Variants in SYNPO2 observed in about 807,000 individuals in gnomAD.
SYNPO2 encodes the protein synaptopodin-2.
Under a neutral mutation model 85.0 loss-of-function variants are expected in SYNPO2, and 56 were observed. The observed-to-expected ratio is 0.66, with a 90% CI of 0.53 to 0.82. SYNPO2 has a LOEUF of 0.82. Ranked by LOEUF, SYNPO2 falls within the 40% of genes least tolerant of loss-of-function variation. The pLI, the probability that SYNPO2 is intolerant of heterozygous loss-of-function variation, is 0.00. For missense variants in SYNPO2, 1,575 were observed against 1,534.2 expected, an observed-to-expected ratio of 1.03 and a Z score of -0.44; for synonymous variants, 602 against 591.1, an observed-to-expected ratio of 1.02 and a Z score of -0.27.
At chr4:118,929,736 A>G (rs548355522) in intron 1 of SYNPO2, among the ~76,000 whole-genome samples, 93 of 152,162 alleles carry the variant, frequency 6.1e-4, no homozygotes, top group Non-Finnish European at 1.2e-3. Flanking sequence ...ACATGTGTAC[A>G]TTTTCTAATA....
intron 1 of SYNPO2, among the ~76,000 whole-genome samples, chr4:118,930,030 T>C (rs901614292): frequency 2.0e-5 from 3 of 152,098 alleles, no homozygotes; most frequent in African/African-American, 7.2e-5. Flanking sequence ...CAGATAGAAC[T>C]CTAAGAATTT....
rs1257717948 is a variant in SYNPO2, at chr4:119,060,473, A to T, written c.*2539A>T. The T allele has an allele frequency of 3.3e-5, 5 of 152,162 alleles. No homozygotes were observed. The highest frequency in any genetic ancestry group is 2.6e-4 in the Admixed American group (4 of 15,276). The allele number at this position is 152,162 out of a possible 1,614,324, so 9.4% of individuals were successfully genotyped here. ...GTGGGTATTCTCCAGCATACTTGAAAATGAATAAAGTTAGATTGCTCACAT... is the reference window on the plus strand; with the variant it reads ...GTGGGTATTCTCCAGCATACTTGAATATGAATAAAGTTAGATTGCTCACAT... On this transcript the variant is annotated 3_prime_UTR_variant, in exon 5 of 5. Transcript: ENST00000307142.
chr4:118,995,078 T>C (rs966139866), intron 1 of SYNPO2, among the ~76,000 whole-genome samples: 30 of 152,210 alleles, frequency 2.0e-4, no homozygotes, highest in Non-Finnish European at 8.8e-5. Flanking sequence ...GCAAGGTACA[T>C]ATATTTTACT....
intron 1 of SYNPO2, among the ~76,000 whole-genome samples, chr4:119,000,947 T>C (rs1363878629): frequency 6.6e-6 from 1 of 152,212 alleles, no homozygotes; most frequent in Admixed American, 6.5e-5. Context: ...ACAAATCTAT[T>C]AGGCCTAGAG....
intron 1 of SYNPO2, among the ~76,000 whole-genome samples, chr4:118,889,996 G>C (rs1732308756): frequency 6.6e-6 from 1 of 152,112 alleles, no homozygotes; most frequent in Admixed American, 6.5e-5. Context: ...TTATAGTATT[G>C]TATTGAAGAA....
At chr4:119,005,973 T>G (rs1159468425) in intron 1 of SYNPO2, 1 of 152,362 alleles carries the variant, frequency 6.6e-6, no homozygotes, top group East Asian at 1.9e-4. Flanking sequence ...AACCACTGTG[T>G]GTCCATGCAG....
At chr4:118,991,221 C>T (rs898622517) in intron 1 of SYNPO2, among the ~76,000 whole-genome samples, 1 of 152,070 alleles carries the variant, frequency 6.6e-6, no homozygotes, top group Non-Finnish European at 1.5e-5. Context: ...CATCTTGACT[C>T]ACTGCAACCT....
At chr4:119,034,464 A>G (rs1401127148) in intron 4 of SYNPO2, 2 of 985,344 alleles carry the variant, frequency 2.0e-6, no homozygotes, top group Admixed American at 1.2e-4. Flanking sequence ...TGATAACTAA[A>G]GATGCAAATA....
chr4:118,929,258 T>A (rs1733838703), intron 1 of SYNPO2, among the ~76,000 whole-genome samples: 1 of 152,042 alleles, frequency 6.6e-6, no homozygotes, highest in Non-Finnish European at 1.5e-5. Flanking sequence ...ATAAAGCCAG[T>A]TTAGTGGCTA....
chr4:118,883,081 G>A (rs1732138352), intron 1 of SYNPO2, among the ~76,000 whole-genome samples: 2 of 150,828 alleles, frequency 1.3e-5, no homozygotes, highest in African/African-American at 2.4e-5. Context: ...TTTTTTAAAG[G>A]CCTTTTAATA....
chr4:119,024,239 A>G (rs1737850532), intron 2 of SYNPO2, among the ~76,000 whole-genome samples: 1 of 152,242 alleles, frequency 6.6e-6, no homozygotes. Context: ...GAGGACAATA[A>G]CAAGGAAAAC....
At chr4:118,982,825 G>A (rs930113314) in intron 1 of SYNPO2, among the ~76,000 whole-genome samples, 1 of 152,116 alleles carries the variant, frequency 6.6e-6, no homozygotes, top group Non-Finnish European at 1.5e-5. Context: ...GAAAGAACAC[G>A]ATAGTTCTTG....
chr4:119,042,558 TTGAA>T (rs1223012363), intron 4 of SYNPO2: 1 of 152,214 alleles, frequency 6.6e-6, no homozygotes, highest in Non-Finnish European at 1.5e-5. Context: ...TTGAAGCACT[TTGAA>T]TGCTTATTAG....
At chr4:118,923,881 C>A in intron 1 of SYNPO2, among the ~76,000 whole-genome samples, 1 of 86,324 alleles carries the variant, frequency 1.2e-5, no homozygotes, top group African/African-American at 3.5e-5. Context: ...TTTCAATAGA[C>A]TGCACTCAAA....
intron 1 of SYNPO2, among the ~76,000 whole-genome samples, chr4:118,947,721 A>G (rs1318070332): frequency 6.6e-6 from 1 of 152,198 alleles, no homozygotes; most frequent in East Asian, 1.9e-4. Context: ...AATGAGAACA[A>G]CTTAAGAAAA....
chr4:118,962,352 A>G (rs542104539), intron 1 of SYNPO2, among the ~76,000 whole-genome samples: 1 of 152,328 alleles, frequency 6.6e-6, no homozygotes, highest in South Asian at 2.1e-4. Flanking sequence ...CTAGAGGCAG[A>G]TGTGCCTTTC....
chr4:118,931,037 A>T (rs1437190003), intron 1 of SYNPO2, among the ~76,000 whole-genome samples: 6 of 152,128 alleles, frequency 3.9e-5, no homozygotes, highest in African/African-American at 1.4e-4. Context: ...AAGGATTTAA[A>T]TGAGTGCTAT....
chr4:119,027,962 G>C (rs1194606077), intron 3 of SYNPO2, among the ~76,000 whole-genome samples: 1 of 152,106 alleles, frequency 6.6e-6, no homozygotes, highest in Non-Finnish European at 1.5e-5. Flanking sequence ...TGTGTATACT[G>C]AGCAGTTACA....
intron 1 of SYNPO2, among the ~76,000 whole-genome samples, chr4:119,022,257 G>A (rs1437619256): frequency 1.3e-5 from 2 of 152,058 alleles, no homozygotes; most frequent in Non-Finnish European, 2.9e-5. Flanking sequence ...GCAATGGGAA[G>A]GATTTTAAAA....
Sources: gnomAD v4.1 joint callset for allele counts (sites outside exome capture counted in the v4.1 genomes callset) on GRCh38, gnomAD v4.1.1 for gene constraint, MANE v1.5 for transcripts, NCBI Gene and HGNC (gene_info 2026-07-23, HGNC 2026-07-21) for gene names.